NXPE4: variants seen among roughly 807,000 people sequenced by gnomAD.
NXPE4 encodes neurexophilin and PC-esterase domain family member 4, also known as NXPE family member 4.
Under a neutral mutation model 33.3 loss-of-function variants are expected in NXPE4, and 42 were observed. The ratio of observed to expected loss-of-function variants is 1.26; its 90% CI spans 0.98 to 1.63. The LOEUF (loss-of-function observed/expected upper bound fraction) is 1.63, where lower values mean the gene tolerates loss of function less well. Ranked by LOEUF, NXPE4 falls within the 40% of genes most tolerant of loss-of-function variation. The probability of loss-of-function intolerance (pLI) is 0.00; values close to 1 mark genes in which losing one functional copy is unlikely to be tolerated. For missense variants in NXPE4, 709 were observed against 647.6 expected (o/e 1.09, Z -1.03); for synonymous variants, 253 against 234.9 (o/e 1.08, Z -0.71).
the NXPE4 span, among the ~76,000 whole-genome samples, chr11:114,672,258 T>C: frequency 6.6e-6 from 1 of 151,922 alleles, no homozygotes; most frequent in South Asian, 2.1e-4. Flanking sequence ...AAAGCAACTA[T>C]AGAACATAAA....
chr11:114,639,527 G>T, the NXPE4 span, among the ~76,000 whole-genome samples: 1 of 151,248 alleles, frequency 6.6e-6, no homozygotes, highest in Non-Finnish European at 1.5e-5. Flanking sequence ...TGGTACCTCA[G>T]GTGGAAATGC....
upstream of NXPE4, chr11:114,595,837 G>C (rs921423491): frequency 2.6e-5 from 4 of 152,316 alleles, no homozygotes; most frequent in African/African-American, 9.7e-5. Flanking sequence ...ACAAACTGTA[G>C]TTATTAGCTC....
chr11:114,607,626 A>G, the NXPE4 span, among the ~76,000 whole-genome samples: 2 of 151,726 alleles, frequency 1.3e-5, no homozygotes, highest in East Asian at 3.9e-4. Context: ...TACCCGGTGG[A>G]TAAGTGTTGC....
chr11:114,646,500 C>T, the NXPE4 span, among the ~76,000 whole-genome samples: 1 of 151,816 alleles, frequency 6.6e-6, no homozygotes, highest in Non-Finnish European at 1.5e-5. Context: ...GATCACTTAA[C>T]TTTATTAGAA....
the NXPE4 span, among the ~76,000 whole-genome samples, chr11:114,647,699 T>G: frequency 8.1e-4 from 118 of 146,308 alleles, 1 homozygote; most frequent in Non-Finnish European, 1.2e-3. Context: ...AGACTTATTT[T>G]ATTTTATTTT....
chr11:114,578,404 T>C (rs1949063038), intron 5 of NXPE4, among the ~76,000 whole-genome samples: 1 of 152,198 alleles, frequency 6.6e-6, no homozygotes, highest in Non-Finnish European at 1.5e-5. Flanking sequence ...GTCCTTTATA[T>C]GACCCAAGAG....
At chr11:114,572,188 A>C (rs1591324344) in intron 5 of NXPE4, among the ~76,000 whole-genome samples, 1 of 152,294 alleles carries the variant, frequency 6.6e-6, no homozygotes, top group Non-Finnish European at 1.5e-5. Flanking sequence ...ACATCAAGGG[A>C]GCACCCTGTG....
At chr11:114,659,089 T>C in the NXPE4 span, among the ~76,000 whole-genome samples, 1 of 152,200 alleles carries the variant, frequency 6.6e-6, no homozygotes, top group East Asian at 1.9e-4. Context: ...CAAGCACAGC[T>C]GGACTGACTA....
At chr11:114,584,028 T>C (rs1949222885) in intron 2 of NXPE4, 1 of 342,630 alleles carries the variant, frequency 2.9e-6, no homozygotes, top group Admixed American at 3.4e-5. Flanking sequence ...GTGGTGATCT[T>C]ACAGCATGGC....
the NXPE4 span, among the ~76,000 whole-genome samples, chr11:114,665,128 T>C: frequency 4.6e-5 from 7 of 152,302 alleles, no homozygotes; most frequent in African/African-American, 1.7e-4. Context: ...ATTATAGATA[T>C]ATAAAGTAGC....
At chr11:114,671,371 A>G in the NXPE4 span, among the ~76,000 whole-genome samples, 31 of 152,004 alleles carry the variant, frequency 2.0e-4, no homozygotes, top group Non-Finnish European at 8.8e-5. Context: ...CCAGAAAACA[A>G]TGGAAGAAAT....
At chr11:114,596,277 T>G (rs1246234611), upstream of NXPE4, among the ~76,000 whole-genome samples, 1 of 152,204 alleles carries the variant, frequency 6.6e-6, no homozygotes, top group African/African-American at 2.4e-5. Context: ...AGTCATGGGT[T>G]TGAATCCATC....
chr11:114,582,462 C>T lies in NXPE4; in HGVS notation c.656G>A (p.Cys219Tyr), dbSNP rs1173069317. 1 of 1,614,180 alleles carries T rather than the reference C, an allele frequency of 6.2e-7. No homozygotes were observed. The highest frequency in any genetic ancestry group is 8.5e-7 in the Non-Finnish European group (1 of 1,180,008). ...AGCATTTGTGTTTAGGATCAGGCCACATTCAGAGTGGACTTGGGAAGTGCC... is the reference window on the plus strand; with the variant it reads ...AGCATTTGTGTTTAGGATCAGGCCATATTCAGAGTGGACTTGGGAAGTGCC... ...VNGTSQVHSE[C>Y]GLILNTNAEL... is the part of the protein sequence containing the mutation. The change falls in exon 3 of 6, where the codon TGT becomes TAT. Residue 219 changes from cysteine (C) to tyrosine (Y), a missense_variant. By Grantham distance (194) the Cys-to-Tyr change is radical. Coordinates refer to ENST00000375478, the MANE Select transcript of NXPE4 (RefSeq NM_001077639.2).
At chr11:114,606,576 AT>A in the NXPE4 span, among the ~76,000 whole-genome samples, 1 of 151,922 alleles carries the variant, frequency 6.6e-6, no homozygotes, top group Non-Finnish European at 1.5e-5. Flanking sequence ...TACCTGGTTT[AT>A]TATAAGTATT....
intron 2 of NXPE4, among the ~76,000 whole-genome samples, chr11:114,594,241 C>T (rs1241424689): frequency 6.6e-6 from 1 of 152,014 alleles, no homozygotes; most frequent in African/African-American, 2.4e-5. Flanking sequence ...CCCCATTTAC[C>T]CTGATATGAT....
At chr11:114,633,419 A>T in the NXPE4 span, among the ~76,000 whole-genome samples, 52 of 145,298 alleles carry the variant, frequency 3.6e-4, no homozygotes, top group African/African-American at 1.2e-3. Context: ...ATTATATGTT[A>T]TATACAATAT....
At chr11:114,623,148 G>C in the NXPE4 span, among the ~76,000 whole-genome samples, 1 of 151,906 alleles carries the variant, frequency 6.6e-6, no homozygotes, top group African/African-American at 2.4e-5. Flanking sequence ...TTGCCTTGTG[G>C]GTAACCAGTG....
chr11:114,628,755 C>G, the NXPE4 span, among the ~76,000 whole-genome samples: 1 of 150,990 alleles, frequency 6.6e-6, no homozygotes, highest in Admixed American at 6.6e-5. Flanking sequence ...AAAGGATCAA[C>G]AAAATTGATA....
chr11:114,599,707 G>A (rs1293363486), upstream of NXPE4, among the ~76,000 whole-genome samples: 1 of 152,092 alleles, frequency 6.6e-6, no homozygotes, highest in Non-Finnish European at 1.5e-5. Context: ...ATGAGTTTGC[G>A]GGAGGGGCTA....
Sources: gnomAD v4.1 joint callset for allele counts (sites outside exome capture counted in the v4.1 genomes callset) on GRCh38, gnomAD v4.1.1 for gene constraint, MANE v1.5 for transcripts, NCBI Gene and HGNC (gene_info 2026-07-23, HGNC 2026-07-21) for gene names.